The following SDC1 variants were observed in gnomAD, a reference collection of about 807,000 sequenced individuals.
SDC1 encodes the protein syndecan-1.
A neutral mutation model predicts 29.7 loss-of-function variants in SDC1; 14 were observed. The ratio of observed to expected loss-of-function variants is 0.47; its 90% CI spans 0.31 to 0.74. The LOEUF (loss-of-function observed/expected upper bound fraction) is 0.74, where lower values mean the gene tolerates loss of function less well. SDC1 is among the 30% of genes least tolerant of loss of function. The probability of loss-of-function intolerance (pLI) is 0.05; values close to 1 mark genes in which losing one functional copy is unlikely to be tolerated. For missense variants in SDC1, 406 were observed against 400.3 expected (o/e 1.01, Z -0.12); for synonymous variants, 204 against 175.5 (o/e 1.16, Z -1.29).
intron 1 of SDC1, among the ~76,000 whole-genome samples, chr2:20,222,167 T>A: frequency 6.6e-6 from 1 of 151,204 alleles, no homozygotes. Context: ...CTCTTGGGAG[T>A]GGTTTTGAGC....
At chr2:20,204,331 G>T in intron 2 of SDC1, 40 bp from the exon 3 acceptor site, 1 of 1,395,270 alleles carries the variant, frequency 7.2e-7, no homozygotes, top group South Asian at 1.2e-5. Flanking sequence ...GAGGTGGGGG[G>T]TGGGGAGGAC....
intron 1 of SDC1, among the ~76,000 whole-genome samples, chr2:20,220,211 C>G (rs955692928): frequency 6.6e-6 from 1 of 152,250 alleles, no homozygotes; most frequent in African/African-American, 2.4e-5. Flanking sequence ...GCCCAGCCCC[C>G]TCAGCCCAAA....
In SDC1 at chr2:20,204,842, C is replaced by A. The variant is rs574052682; in HGVS notation, c.148+501G>T. On this transcript the variant is annotated intron_variant, in intron 2 of 4. Coordinates refer to ENST00000254351, the MANE Select transcript of SDC1 (RefSeq NM_002997.5). ...CTCTGTGAAGCTTCCCTGACCACCT[C>A]CAGCTCAGGGACTTCTCTCCCCCAG... 5.1e-4 allele frequency among the ~76,000 whole-genome samples: 77 copies of A among 152,272 alleles called. 1 individual carries two copies. The highest frequency in any genetic ancestry group is 1.8e-3 in the African/African-American group (75 of 41,546).
rs2148274525 is a variant in SDC1, at chr2:20,200,944, A to G, written c.*1822T>C. The G allele has an allele frequency of 6.6e-6, 1 of 152,378 alleles. No homozygotes were observed. Among genetic ancestry groups the G allele is most frequent in the African/African-American group, 2.4e-5 (1 of 41,586 alleles). The allele number at this position is 152,378 out of a possible 1,614,324, so 9.4% of individuals were successfully genotyped here. A position where few individuals can be genotyped will look rare whatever the true frequency, so the allele number is the denominator to read the frequency against. ...TCATGTGCAGTCATACACTCCAGGC[A>G]GAAAGTCGCAGTATCGAATACCGGA... On this transcript the variant is annotated 3_prime_UTR_variant, in exon 5 of 5. Coordinates refer to ENST00000254351, the MANE Select transcript of SDC1 (RefSeq NM_002997.5).
chr2:20,203,728 C>T (rs747198719), intron 3 of SDC1, 85 bp downstream of exon 3: 48 of 1,026,406 alleles, frequency 4.7e-5, no homozygotes, highest in Non-Finnish European at 6.5e-5. Flanking sequence ...ACGAGATGCC[C>T]GCAGGGCACA....
chr2:20,216,474 G>A (rs545175198), intron 1 of SDC1, among the ~76,000 whole-genome samples: 94 of 152,308 alleles, frequency 6.2e-4, no homozygotes, highest in African/African-American at 2.1e-3. Context: ...CTCCTGAAAC[G>A]CCCCACAACC....
chr2:20,213,120 G>T (rs1214092125), intron 1 of SDC1, among the ~76,000 whole-genome samples: 1 of 152,120 alleles, frequency 6.6e-6, no homozygotes, highest in Non-Finnish European at 1.5e-5. Flanking sequence ...CGATGCCCAA[G>T]CCAAGCCAGT....
intron 1 of SDC1, among the ~76,000 whole-genome samples, chr2:20,221,822 C>T (rs1342488307): frequency 6.6e-6 from 1 of 152,156 alleles, no homozygotes; most frequent in Non-Finnish European, 1.5e-5. Flanking sequence ...CAGGTAGAGA[C>T]TTAAACCGCT....
chr2:20,202,262 G>A lies in SDC1; in HGVS notation c.*504C>T, dbSNP rs746183022. The A allele has an allele frequency of 2.6e-6, 2 of 779,126 alleles. No homozygotes were observed. Among genetic ancestry groups the A allele is most frequent in the Admixed American group, 1.7e-5 (1 of 58,986 alleles). 48.3% of individuals were successfully genotyped at this position (779,126 alleles called of 1,614,324 possible). A position where few individuals can be genotyped will look rare whatever the true frequency, so the allele number is the denominator to read the frequency against. ...CTAGAGGAAACATGTGCAAAAACAA[G>A]TCGATATCTAGATTAGACCTCCCCA... On this transcript the variant is annotated 3_prime_UTR_variant, in exon 5 of 5. Coordinates refer to ENST00000254351, the MANE Select transcript of SDC1 (RefSeq NM_002997.5).
chr2:20,201,916 G>C lies in SDC1; in HGVS notation c.*850C>G. The C allele has an allele frequency of 4.1e-6, 1 of 241,030 alleles. No individual in the cohort carries two copies. The highest frequency in any genetic ancestry group is 7.9e-6 in the Non-Finnish European group (1 of 126,528). The allele number at this position is 241,030 out of a possible 1,614,324, so 14.9% of individuals were successfully genotyped here. On this transcript the variant is annotated 3_prime_UTR_variant, in exon 5 of 5. Coordinates refer to ENST00000254351, the MANE Select transcript of SDC1 (RefSeq NM_002997.5). ...GCCCTGAGCGCATGGACACAGGCAC[G>C]ACTGCTTGAAAGAGGCGGCGGCCCC... is the stretch of plus-strand genomic sequence containing the variant.
chr2:20,206,427 C>T (rs1448853110), intron 1 of SDC1, among the ~76,000 whole-genome samples: 1 of 152,178 alleles, frequency 6.6e-6, no homozygotes, highest in Non-Finnish European at 1.5e-5. Context: ...CTGTGCAGAA[C>T]CCTGGTCGGC....
At chr2:20,207,332 A>ACC (rs1677308855) in intron 1 of SDC1, 1 of 858,888 alleles carries the variant, frequency 1.2e-6, no homozygotes, top group African/African-American at 1.8e-5. Flanking sequence ...TAGAAGGGCA[A>ACC]TTCATAGCCC....
At chr2:20,212,252 G>A (rs930372137) in intron 1 of SDC1, among the ~76,000 whole-genome samples, 3 of 152,216 alleles carry the variant, frequency 2.0e-5, no homozygotes, top group Admixed American at 2.0e-4. Context: ...ATAGTCTGGT[G>A]ACAGTCTGGC....
intron 1 of SDC1, among the ~76,000 whole-genome samples, chr2:20,211,620 G>A (rs1031341283): frequency 1.2e-4 from 19 of 152,344 alleles, no homozygotes; most frequent in South Asian, 6.2e-4. Context: ...CCCACCAGCC[G>A]GCCCGGCTGG....
At chr2:20,211,820 A>G (rs764733185) in intron 1 of SDC1, among the ~76,000 whole-genome samples, 3 of 152,254 alleles carry the variant, frequency 2.0e-5, no homozygotes, top group Non-Finnish European at 4.4e-5. Context: ...CGAACGCCTC[A>G]GTGCCCTGCA....
At chr2:20,207,378 C>T in intron 1 of SDC1, 25 of 984,256 alleles carry the variant, frequency 2.5e-5, no homozygotes, top group Non-Finnish European at 2.8e-5. Flanking sequence ...CCAAGGCTCA[C>T]CTGCAATGAA....
chr2:20,207,873 A>G, intron 1 of SDC1: 1 of 904,964 alleles, frequency 1.1e-6, no homozygotes, highest in Non-Finnish European at 1.3e-6. Context: ...CTTCATCATC[A>G]AAGAATACTG....
intron 1 of SDC1, among the ~76,000 whole-genome samples, chr2:20,219,278 C>T (rs1558438209): frequency 6.6e-6 from 1 of 152,130 alleles, no homozygotes; most frequent in East Asian, 1.9e-4. Flanking sequence ...CAAGCTGACC[C>T]GGTGCACCTG....
intron 1 of SDC1, among the ~76,000 whole-genome samples, chr2:20,216,590 G>C (rs931153435): frequency 6.6e-6 from 1 of 152,202 alleles, no homozygotes; most frequent in Non-Finnish European, 1.5e-5. Flanking sequence ...AGGGATGACA[G>C]GAAGCTACTG....
Sources: allele counts gnomAD v4.1 joint callset (sites outside exome capture counted in the v4.1 genomes callset), GRCh38; gene constraint gnomAD v4.1.1; transcripts MANE v1.5; gene names NCBI Gene and HGNC (gene_info 2026-07-23, HGNC 2026-07-21).